WSB1: variants seen among roughly 807,000 people sequenced by gnomAD.
WSB1 encodes WD repeat and SOCS box containing 1.
WSB1 carries 23 observed loss-of-function variants against 50.2 expected under a neutral mutation model. The ratio of observed to expected loss-of-function variants is 0.46; its 90% CI spans 0.33 to 0.65. The LOEUF (loss-of-function observed/expected upper bound fraction) is 0.65, where lower values mean the gene tolerates loss of function less well. Among genes scored for constraint, WSB1 ranks in the 30% least tolerant of loss-of-function variants. The pLI is 0.02. For synonymous variants in WSB1, 179 were observed against 172.0 expected, an observed-to-expected ratio of 1.04 and a Z score of -0.32; for missense variants, 492 against 522.3, an observed-to-expected ratio of 0.94 and a Z score of 0.56.
chr17:27,296,473 T>G (rs559053960), intron 1 of WSB1, among the ~76,000 whole-genome samples: 1 of 152,306 alleles, frequency 6.6e-6, no homozygotes, highest in East Asian at 1.9e-4. Context: ...TTTCTTTTCT[T>G]GGGTGTTAAT....
chr17:27,297,856 C>T (rs550248842), intron 1 of WSB1, among the ~76,000 whole-genome samples: 1 of 151,966 alleles, frequency 6.6e-6, no homozygotes, highest in East Asian at 1.9e-4. Context: ...GCGTGTAATC[C>T]CAGCACTTTG....
intron 5 of WSB1, 115 bp from the exon 6 acceptor site, chr17:27,308,985 A>G: frequency 7.5e-7 from 1 of 1,327,878 alleles, no homozygotes; most frequent in Non-Finnish European, 9.7e-7. Flanking sequence ...TAAATTACTC[A>G]TAATTTATAA....
At chr17:27,309,924 C>A in intron 6 of WSB1, 137 bp from the exon 7 acceptor site, 1 of 646,214 alleles carries the variant, frequency 1.5e-6, no homozygotes, top group Non-Finnish European at 2.7e-6. Context: ...TTGGATGTAT[C>A]ATCTCTACTG....
chr17:27,301,942 G>T lies in WSB1; in HGVS notation c.195G>T (p.Gln65His). Residue 65 changes from glutamine (Q) to histidine (H), a missense_variant, in exon 2 of 9, where the codon CAG becomes CAT. Physicochemically the swap from Gln to His is conservative, Grantham distance 24 (BLOSUM62 0). Coordinates refer to ENST00000262394, the MANE Select transcript of WSB1 (RefSeq NM_015626.10). ...HRTVKLVPWSQCLQNFLLHGT... is the reference protein window; with the variant it reads ...HRTVKLVPWSHCLQNFLLHGT... ...CAGTAAAGCTTGTTCCGTGGTCCCA[G>T]TGCCTTCAGAACTTGTAAGACTGTT... 6.3e-7 allele frequency: 1 copy of T among 1,585,668 alleles called. No homozygotes were observed. The highest frequency in any genetic ancestry group is 8.6e-7 in the Non-Finnish European group (1 of 1,169,570).
intron 1 of WSB1, among the ~76,000 whole-genome samples, chr17:27,299,657 T>A (rs1263595919): frequency 1.3e-5 from 2 of 152,208 alleles, no homozygotes; most frequent in Non-Finnish European, 2.9e-5. Flanking sequence ...TGAGGGCCAG[T>A]ACTAACTAGA....
chr17:27,296,320 A>G (rs185065627), intron 1 of WSB1, among the ~76,000 whole-genome samples: 11 of 151,672 alleles, frequency 7.3e-5, no homozygotes, highest in African/African-American at 2.7e-4. Flanking sequence ...TAAGTGCCAG[A>G]TATCTAGAAG....
chr17:27,301,924 G>A lies in WSB1; in HGVS notation c.177G>A (p.Lys59=). 1 of 1,604,280 alleles carries A rather than the reference G, an allele frequency of 6.2e-7. No homozygotes were observed. The highest frequency in any genetic ancestry group is 1.3e-5 in the African/African-American group (1 of 74,374). The part of the protein sequence containing the change: ...FAWSQGHRTV[K]LVPWSQCLQN... ...GGTCACAAGGACATCGCACAGTAAA[G>A]CTTGTTCCGTGGTCCCAGTGCCTTC... The change falls in exon 2 of 9, where the codon AAG becomes AAA. Residue 59 remains lysine (K), a synonymous_variant. Transcript: ENST00000262394.
intron 5 of WSB1, 43 bp from the exon 6 acceptor site, chr17:27,309,057 T>C: frequency 6.4e-7 from 1 of 1,550,854 alleles, no homozygotes; most frequent in Admixed American, 1.9e-5. Context: ...TTTTGTCCTC[T>C]GTATGTCTGA....
chr17:27,300,863 A>G (rs2017199582), intron 1 of WSB1, among the ~76,000 whole-genome samples: 1 of 149,888 alleles, frequency 6.7e-6, no homozygotes. Context: ...ATGCCCGGCT[A>G]TAATGCATTT....
At chr17:27,304,967 G>A in intron 4 of WSB1, 56 bp downstream of exon 4, 1 of 1,596,856 alleles carries the variant, frequency 6.3e-7, no homozygotes, top group Non-Finnish European at 8.6e-7. Context: ...CTACTATGGA[G>A]AGGTATTGGG....
intron 5 of WSB1, 86 bp downstream of exon 5, chr17:27,306,968 AGTCTGTGCTCGGT>A: frequency 7.7e-7 from 1 of 1,301,750 alleles, no homozygotes; most frequent in Non-Finnish European, 1.1e-6. Context: ...TAACCTATGA[AGTCTGTGCTCGGT>A]GTCATGAATA....
At chr17:27,308,241 C>G (rs748844888) in intron 5 of WSB1, 50 of 985,642 alleles carry the variant, frequency 5.1e-5, no homozygotes, top group Non-Finnish European at 5.9e-5. Context: ...TGCTTTACTC[C>G]AAGAGGAGAG....
rs2017484532 is a variant in WSB1, at chr17:27,306,901, G to A, written c.711+19G>A. ...TAAAGCAGTACGTGTCAAAGTTCTT[G>A]TACATTCATTATGAATTGGATTATG... is the stretch of plus-strand genomic sequence containing the variant. On this transcript the variant is annotated intron_variant, in intron 5 of 8. Transcript: ENST00000262394. 1 of 1,607,848 alleles carries A rather than the reference G, an allele frequency of 6.2e-7. No individual in the cohort carries two copies. Among genetic ancestry groups the A allele is most frequent in the Non-Finnish European group, 8.5e-7 (1 of 1,174,726 alleles).
chr17:27,300,602 T>C (rs1410860488), intron 1 of WSB1, among the ~76,000 whole-genome samples: 1 of 152,164 alleles, frequency 6.6e-6, no homozygotes, highest in African/African-American at 2.4e-5. Flanking sequence ...AAAACCAAAA[T>C]AATTCCATTT....
chr17:27,296,084 C>G (rs1408788386), intron 1 of WSB1, among the ~76,000 whole-genome samples: 1 of 152,166 alleles, frequency 6.6e-6, no homozygotes, highest in East Asian at 1.9e-4. Flanking sequence ...TCGCCCACCT[C>G]TGCCTCCCAA....
At chr17:27,302,359 C>T (rs531985682) in intron 2 of WSB1, 12 of 145,208 alleles carry the variant, frequency 8.3e-5, no homozygotes, top group African/African-American at 2.4e-4. Context: ...TGTAGTGAGT[C>T]GAGATAGCAC....
rs542644786 is a variant in WSB1 at position 27,307,751 on chromosome 17, C to T, written c.711+869C>T. 7.2e-6 allele frequency: 11 copies of T among 1,534,566 alleles called. No individual in the cohort carries two copies. The African/African-American group carries it at 1.4e-4, about 19-fold the overall frequency. On this transcript the variant is annotated intron_variant, in intron 5 of 8. Coordinates refer to ENST00000262394, the MANE Select transcript of WSB1 (RefSeq NM_015626.10). Reference sequence around the variant, plus strand: ...TTGCTTTCCCTGTCACAGGTGGTGGCAGCAATATTGGTGTGATTGAGGTTA... The same window carrying T: ...TTGCTTTCCCTGTCACAGGTGGTGGTAGCAATATTGGTGTGATTGAGGTTA...
intron 5 of WSB1, chr17:27,307,804 C>T: frequency 6.5e-7 from 1 of 1,530,698 alleles, no homozygotes; most frequent in African/African-American, 1.4e-5. Context: ...CACAGGCGCA[C>T]AATGGTGTTA....
At chr17:27,308,323 G>T (rs1249338146) in intron 5 of WSB1, 4 of 985,648 alleles carry the variant, frequency 4.1e-6, no homozygotes, top group Admixed American at 1.2e-4. Flanking sequence ...ATCCTGTTTA[G>T]AGCTATTCTG....
Sources: gnomAD v4.1 joint callset for allele counts (sites outside exome capture counted in the v4.1 genomes callset) on GRCh38, gnomAD v4.1.1 for gene constraint, MANE v1.5 for transcripts, NCBI Gene and HGNC (gene_info 2026-07-23, HGNC 2026-07-21) for gene names.